POLA1: variants seen among roughly 807,000 people sequenced by gnomAD.
The protein encoded by POLA1 is DNA polymerase alpha 1, catalytic subunit.
A neutral mutation model predicts 124.0 loss-of-function variants in POLA1; 15 were observed. That is an observed-to-expected ratio of 0.12 (90% CI 0.08 to 0.19). The LOEUF is 0.19. Among genes scored for constraint, POLA1 ranks in the 10% least tolerant of loss-of-function variants. The pLI is 1.00. For missense variants in POLA1, 886 were observed against 1,103.4 expected (o/e 0.80, Z 2.79); for synonymous variants, 408 against 389.4 (o/e 1.05, Z -0.56).
intron 35 of POLA1, among the ~76,000 whole-genome samples, chrX:24,897,137 G>A (rs111231458): frequency 8.0e-5 from 9 of 111,878 alleles, no homozygotes; most frequent in African/African-American, 2.6e-4. Flanking sequence ...TTGGTGAGGT[G>A]TAAATATGGC....
At chrX:24,967,030 G>A (rs1003683892) in intron 36 of POLA1, among the ~76,000 whole-genome samples, 1 of 111,164 alleles carries the variant, frequency 9.0e-6, no homozygotes, top group African/African-American at 3.3e-5. Flanking sequence ...AAATAAGAAA[G>A]ATGGGTTCTT....
intron 1 of POLA1, among the ~76,000 whole-genome samples, chrX:24,695,483 T>G (rs1927922171): frequency 9.0e-6 from 1 of 110,689 alleles, no homozygotes; most frequent in South Asian, 3.8e-4. Context: ...AATTTTTATT[T>G]ATTTATTTAT....
chrX:24,950,236 C>G (rs1207077978), intron 36 of POLA1, among the ~76,000 whole-genome samples: 2 of 112,274 alleles, frequency 1.8e-5, no homozygotes, highest in African/African-American at 3.2e-5. Context: ...TAGAGTAACA[C>G]TGTCCACCGG....
rs775505997 is a variant in POLA1, at chrX:24,812,794, C to A, written c.3227C>A (p.Thr1076Asn). Residue 1076 changes from threonine to asparagine, a missense_variant, in exon 29 of 37, where the codon ACC becomes AAC. By Grantham distance (65) the Thr-to-Asn change is moderately conservative. Around this residue, in one of 7 missense-constraint regions of POLA1, gnomAD observed 313 missense variants for 359.7 expected, o/e 0.87. Transcript: ENST00000379068. ...VEPTSDGNYV[T>N]KQELKGLDIV... ...CCAACGTCGGATGGGAATTATGTCA[C>A]CAAACAGGAGCTCAAAGGATTAGAT... 2.5e-6 allele frequency: 3 copies of A among 1,206,099 alleles called. No homozygotes were observed. In the East Asian group the frequency reaches 8.9e-5, roughly 36 times the overall value.
At chrX:24,723,903 A>G (rs1930365025) in intron 11 of POLA1, among the ~76,000 whole-genome samples, 1 of 111,330 alleles carries the variant, frequency 9.0e-6, no homozygotes, top group Admixed American at 9.5e-5. Context: ...CTGGTCTCAA[A>G]CTCCTGACCT....
At chrX:24,735,581 C>T (rs1189806789) in intron 18 of POLA1, 93 bp downstream of exon 18, 3 of 523,406 alleles carry the variant, frequency 5.7e-6, no homozygotes, top group Non-Finnish European at 1.0e-5. Context: ...AGCAAATAAT[C>T]TTTTCAGAGT....
Position 24,833,342 on chromosome X carries a change from A to G in POLA1, c.3736+6741A>G, listed in dbSNP as rs141372227. On this transcript the variant is annotated intron_variant, in intron 32 of 36. Coordinates refer to ENST00000379068, the MANE Select transcript of POLA1 (RefSeq NM_001330360.2). ...TGGTTCCATATTTTTGCAGTTGAGA[A>G]TTGTGCTGCTATAAACATGCACGTG... Among the ~76,000 whole-genome samples the G allele has an allele frequency of 2.2e-3, 243 of 111,728 alleles. 2 individuals are homozygous for G. The highest frequency in any genetic ancestry group is 7.7e-3 in the African/African-American group (236 of 30,692).
At chrX:24,977,958 G>A (rs371041022) in intron 36 of POLA1, among the ~76,000 whole-genome samples, 19 of 111,624 alleles carry the variant, frequency 1.7e-4, no homozygotes, top group African/African-American at 6.2e-4. Flanking sequence ...CATACTTCCA[G>A]AGATAGCTTG....
chrX:24,702,718 A>G (rs1928539712), intron 2 of POLA1, among the ~76,000 whole-genome samples: 1 of 112,566 alleles, frequency 8.9e-6, no homozygotes, highest in South Asian at 3.6e-4. Flanking sequence ...GTTTGCCTGT[A>G]GAATATGCAA....
intron 11 of POLA1, 134 bp downstream of exon 11, chrX:24,723,401 C>T: frequency 2.2e-6 from 1 of 459,816 alleles, no homozygotes; most frequent in African/African-American, 2.4e-5. Flanking sequence ...TTGCTGCTTG[C>T]CTGGTGACCA....
intron 4 of POLA1, among the ~76,000 whole-genome samples, chrX:24,713,508 G>A (rs1470392187): frequency 9.1e-6 from 1 of 110,274 alleles, no homozygotes; most frequent in African/African-American, 3.3e-5. Flanking sequence ...TCTCGCCTCC[G>A]GGGTTCAAGC....
In POLA1 at chrX:24,792,280, C is replaced by T. The variant is rs778022734; in HGVS notation, c.2965-17618C>T. Among the ~76,000 whole-genome samples, 4 of 111,621 alleles carry T rather than the reference C, an allele frequency of 3.6e-5. No individual in the cohort carries two copies. In the South Asian group the frequency reaches 1.1e-3, roughly 32 times the overall value. On this transcript the variant is annotated intron_variant, in intron 26 of 36. Coordinates refer to ENST00000379068, the MANE Select transcript of POLA1 (RefSeq NM_001330360.2). ...TGTTAAGCACCCCCCTCCCCAATAC[C>T]ACAGACCACATCTGTTCCCACTGTT...
At chrX:24,726,214 ATTAAT>A (rs1457252520) in intron 13 of POLA1, among the ~76,000 whole-genome samples, 159 bp downstream of exon 13, 1 of 112,605 alleles carries the variant, frequency 8.9e-6, no homozygotes, top group East Asian at 2.8e-4. Context: ...AATGGATAAA[ATTAAT>A]TTAAGTATAT....
intron 35 of POLA1, among the ~76,000 whole-genome samples, chrX:24,896,149 G>A (rs747726123): frequency 4.5e-5 from 5 of 111,615 alleles, no homozygotes; most frequent in Non-Finnish European, 7.5e-5. Flanking sequence ...TGCCCCCCAG[G>A]GAACATTTTT....
intron 15 of POLA1, among the ~76,000 whole-genome samples, chrX:24,731,120 C>T (rs1380625510): frequency 8.9e-6 from 1 of 111,776 alleles, no homozygotes; most frequent in African/African-American, 3.3e-5. Context: ...AAGTAATCAG[C>T]GCCTCTAAAG....
chrX:24,756,165 T>C (rs1178670906), intron 26 of POLA1, among the ~76,000 whole-genome samples: 1 of 111,244 alleles, frequency 9.0e-6, no homozygotes, highest in South Asian at 3.8e-4. Context: ...CATGAAAGAG[T>C]AGCTCATATT....
rs2045352676 is a variant in POLA1, at chrX:24,785,935, A to C, written c.2965-23963A>C. ...TGAGTTCAATGTTTTTAGATTCCAC[A>C]TATAAGTTACATCATACAGCATTTG... On this transcript the variant is annotated intron_variant, in intron 26 of 36. Coordinates refer to ENST00000379068, the MANE Select transcript of POLA1 (RefSeq NM_001330360.2). Among the ~76,000 whole-genome samples, 4 of 112,410 alleles carry C rather than the reference A, an allele frequency of 3.6e-5. No individual in the cohort carries two copies. In the South Asian group the frequency reaches 1.1e-3, roughly 31 times the overall value.
chrX:24,914,707 T>C (rs1031956309), intron 35 of POLA1, among the ~76,000 whole-genome samples: 6 of 111,777 alleles, frequency 5.4e-5, no homozygotes, highest in African/African-American at 2.0e-4. Flanking sequence ...TTGACAACAG[T>C]AGTTCCGCAT....
At chrX:24,778,510 C>T (rs1159016860) in intron 26 of POLA1, among the ~76,000 whole-genome samples, 4 of 112,048 alleles carry the variant, frequency 3.6e-5, no homozygotes, top group African/African-American at 9.7e-5. Flanking sequence ...GGATTACAGG[C>T]GTGAGCTGCT....
Sources: gnomAD v4.1 joint callset for allele counts (sites outside exome capture counted in the v4.1 genomes callset) on GRCh38, gnomAD v4.1.1 for gene constraint, gnomAD v4.1.1 regional missense constraint, MANE v1.5 for transcripts, NCBI Gene and HGNC (gene_info 2026-07-23, HGNC 2026-07-21) for gene names.